The following TNIK variants were observed in gnomAD, a reference collection of about 807,000 sequenced individuals.
TNIK encodes TRAF2 and NCK-interacting protein kinase.
A neutral mutation model predicts 191.3 loss-of-function variants in TNIK; 49 were observed. The ratio of observed to expected loss-of-function variants is 0.26; its 90% confidence interval spans 0.20 to 0.32. The LOEUF (loss-of-function observed/expected upper bound fraction) is 0.32. TNIK is among the 10% of genes least tolerant of loss of function. TNIK has a pLI of 1.00. For missense variants in TNIK, 1,155 were observed against 1,702.3 expected, an observed-to-expected ratio of 0.68 and a Z score of 5.66; for synonymous variants, 594 against 600.9, an observed-to-expected ratio of 0.99 and a Z score of 0.17.
At chr3:171,423,236 C>T (rs1305990358) in intron 1 of TNIK, among the ~76,000 whole-genome samples, 1 of 152,090 alleles carries the variant, frequency 6.6e-6, no homozygotes, top group Non-Finnish European at 1.5e-5. Context: ...TTCACAATTG[C>T]TTCAAAGAGA....
chr3:171,341,773 G>A (rs895938849), intron 2 of TNIK, among the ~76,000 whole-genome samples: 3 of 152,068 alleles, frequency 2.0e-5, no homozygotes, highest in African/African-American at 7.2e-5. Context: ...TAGGAGAGAG[G>A]CTTAACTCAA....
chr3:171,410,538 GGGAGGC>G (rs1464529686), intron 1 of TNIK, among the ~76,000 whole-genome samples: 1 of 152,114 alleles, frequency 6.6e-6, no homozygotes, highest in African/African-American at 2.4e-5. Flanking sequence ...CCAGCACTTT[GGGAGGC>G]GGAGGCGGGC....
rs1037076808 is a variant in TNIK, at chr3:171,110,571, G to T, written c.2284+143C>A. The T allele has an allele frequency of 5.6e-5, 60 of 1,078,102 alleles. 1 individual carries two copies. Among genetic ancestry groups the T allele is most frequent in the Middle Eastern group, 6.2e-4 (2 of 3,228 alleles). The allele number at this position is 1,078,102 out of a possible 1,614,324, so 66.8% of individuals were successfully genotyped here. A position where few individuals can be genotyped will look rare whatever the true frequency, so the allele number is the denominator to read the frequency against. The stretch of plus-strand genomic sequence containing the variant: ...AGTGGCCCACTCCCGAGGAGACTGG[G>T]GTTGAGAGCAGTTGACAGGCTCTTC... On this transcript the variant is annotated intron_variant, in intron 19 of 32. Coordinates refer to ENST00000436636, the MANE Select transcript of TNIK (RefSeq NM_015028.4).
At chr3:171,301,178 T>G (rs955932353) in intron 2 of TNIK, among the ~76,000 whole-genome samples, 3 of 152,048 alleles carry the variant, frequency 2.0e-5, no homozygotes, top group African/African-American at 7.2e-5. Context: ...CCTGATGTGA[T>G]GCAACAAGAA....
chr3:171,316,979 TATCA>T (rs1754694666), intron 2 of TNIK, among the ~76,000 whole-genome samples: 2 of 141,088 alleles, frequency 1.4e-5, no homozygotes, highest in African/African-American at 2.6e-5. Flanking sequence ...ATATGATATA[TATCA>T]TATAAAATAT....
At chr3:171,201,666 AC>A in intron 4 of TNIK, among the ~76,000 whole-genome samples, 1 of 152,334 alleles carries the variant, frequency 6.6e-6, no homozygotes, top group South Asian at 2.1e-4. Context: ...GTATAGAAAT[AC>A]AAAATACAAA....
At chr3:171,349,870 C>T (rs1054060092) in intron 2 of TNIK, among the ~76,000 whole-genome samples, 3 of 152,082 alleles carry the variant, frequency 2.0e-5, no homozygotes, top group African/African-American at 7.2e-5. Context: ...TATTCGAGGG[C>T]TTTTTTTGTA....
chr3:171,257,655 G>A (rs1747054125), intron 2 of TNIK, among the ~76,000 whole-genome samples: 1 of 152,126 alleles, frequency 6.6e-6, no homozygotes, highest in South Asian at 2.1e-4. Flanking sequence ...TCAAAGCCTA[G>A]CTGGGGTTCC....
At chr3:171,242,041 G>C (rs1441644085) in intron 2 of TNIK, among the ~76,000 whole-genome samples, 1 of 151,740 alleles carries the variant, frequency 6.6e-6, no homozygotes, top group Non-Finnish European at 1.5e-5. Context: ...GGGAGGGATA[G>C]CATTAGGAGA....
chr3:171,237,632 CAT>C (rs1744441808), intron 2 of TNIK, among the ~76,000 whole-genome samples: 1 of 152,028 alleles, frequency 6.6e-6, no homozygotes, highest in Admixed American at 6.6e-5. Context: ...ATACCTAAAA[CAT>C]ATATAGGCTG....
chr3:171,191,389 C>A (rs57471520), intron 5 of TNIK, among the ~76,000 whole-genome samples: 372 of 152,170 alleles, frequency 2.4e-3, no homozygotes, highest in African/African-American at 5.9e-3. Context: ...ATTACAGGTG[C>A]CTGCCACCAC....
At chr3:171,202,134 G>A (rs746798802) in intron 4 of TNIK, among the ~76,000 whole-genome samples, 2 of 152,062 alleles carry the variant, frequency 1.3e-5, no homozygotes, top group African/African-American at 2.4e-5. Context: ...GAAACGTTAC[G>A]GACATTAGCT....
chr3:171,128,481 T>C (rs1364788599), intron 16 of TNIK, among the ~76,000 whole-genome samples: 1 of 152,204 alleles, frequency 6.6e-6, no homozygotes, highest in South Asian at 2.1e-4. Flanking sequence ...GAGGCCAATT[T>C]AAATAGAAGT....
At chr3:171,261,050 A>G (rs1040299758) in intron 2 of TNIK, among the ~76,000 whole-genome samples, 1 of 152,220 alleles carries the variant, frequency 6.6e-6, no homozygotes, top group Non-Finnish European at 1.5e-5. Flanking sequence ...CACATTTCAA[A>G]GAGATTTTGT....
chr3:171,258,750 T>G (rs1318284100), intron 2 of TNIK, among the ~76,000 whole-genome samples: 2 of 152,206 alleles, frequency 1.3e-5, no homozygotes, highest in Non-Finnish European at 2.9e-5. Context: ...CCATAATTTT[T>G]CTTCCTGTTC....
chr3:171,133,315 A>G (rs558722400), intron 15 of TNIK, among the ~76,000 whole-genome samples: 26 of 152,214 alleles, frequency 1.7e-4, no homozygotes, highest in Admixed American at 1.0e-3. Context: ...GTGCTTATCT[A>G]TCACCTGGGA....
chr3:171,094,101 AGT>A, intron 22 of TNIK, 133 bp from the exon 23 acceptor site: 1 of 1,204,860 alleles, frequency 8.3e-7, no homozygotes, highest in Non-Finnish European at 1.1e-6. Context: ...ACCAATTTTA[AGT>A]GTACATGTCA....
At position 171,208,473 on chromosome 3, in the gene TNIK, C is replaced by T. The variant is rs575070256; in HGVS notation, c.306+2643G>A. Reference sequence around the variant, plus strand: ...ATCAGATATCCCCACCAAGTTACTACGTATTTTTTCCACAAAAATGAAAAC... The same window carrying T: ...ATCAGATATCCCCACCAAGTTACTATGTATTTTTTCCACAAAAATGAAAAC... On this transcript the variant is annotated intron_variant, in intron 4 of 32. Transcript: ENST00000436636. Among the ~76,000 whole-genome samples the T allele has an allele frequency of 2.9e-4, 44 of 152,234 alleles. No homozygotes were observed. In the East Asian group the frequency reaches 6.0e-3, roughly 21 times the overall value.
At position 171,381,521 on chromosome 3, in the gene TNIK, T is replaced by G. The variant is rs1718029384; in HGVS notation, c.58-11836A>C. On this transcript the variant is annotated intron_variant, in intron 1 of 32. Transcript: ENST00000436636. ...ACAGTGTATAGAGCAATCTTTTCTG[T>G]GTCATTCCTACTTAACTAAAGCTTG... 2.6e-5 allele frequency among the ~76,000 whole-genome samples: 4 copies of G among 152,348 alleles called. No homozygotes were observed. In the South Asian group the frequency reaches 8.3e-4, roughly 32 times the overall value.
Sources: allele counts gnomAD v4.1 joint callset (sites outside exome capture counted in the v4.1 genomes callset), GRCh38; gene constraint gnomAD v4.1.1; transcripts MANE v1.5; gene names NCBI Gene and HGNC (gene_info 2026-07-23, HGNC 2026-07-21).